The following CLIC5 variants were observed in gnomAD, a reference collection of about 807,000 sequenced individuals.
CLIC5 encodes CLIC family member 5.
In CLIC5, 20 loss-of-function variants were observed where a neutral mutation model predicts 24.7. That is an observed-to-expected ratio of 0.81 (90% confidence interval 0.57 to 1.18). The LOEUF (loss-of-function observed/expected upper bound fraction) is 1.18. Among genes scored for constraint, CLIC5 ranks in the 50% most tolerant of loss-of-function variants. The pLI, the probability that CLIC5 is intolerant of heterozygous loss-of-function variation, is 0.00. For missense variants in CLIC5, 341 were observed against 326.1 expected (o/e 1.05, Z -0.35); for synonymous variants, 159 against 135.6 (o/e 1.17, Z -1.20).
At chr6:46,001,081 G>C (rs1282845851) in intron 1 of CLIC5, among the ~76,000 whole-genome samples, 1 of 152,162 alleles carries the variant, frequency 6.6e-6, no homozygotes, top group Non-Finnish European at 1.5e-5. Flanking sequence ...AGCAATTCTT[G>C]GCATACAGAT....
At chr6:45,938,642 G>A (rs911003161) in intron 4 of CLIC5, among the ~76,000 whole-genome samples, 10 of 152,202 alleles carry the variant, frequency 6.6e-5, no homozygotes, top group African/African-American at 2.4e-4. Flanking sequence ...GAAAATTGGA[G>A]AGTACTGAGT....
chr6:45,985,618 C>T (rs745868365), intron 1 of CLIC5, among the ~76,000 whole-genome samples: 1 of 152,080 alleles, frequency 6.6e-6, no homozygotes, highest in Non-Finnish European at 1.5e-5. Flanking sequence ...CATCAAGGGG[C>T]TCCCTGCCCT....
intron 1 of CLIC5, among the ~76,000 whole-genome samples, chr6:45,973,140 A>G (rs1441450118): frequency 6.6e-6 from 1 of 152,182 alleles, no homozygotes; most frequent in African/African-American, 2.4e-5. Flanking sequence ...GTCACTGAGC[A>G]TGTTCATCTC....
intron 1 of CLIC5, among the ~76,000 whole-genome samples, chr6:46,015,270 C>T (rs879054512): frequency 6.6e-6 from 1 of 152,148 alleles, no homozygotes; most frequent in Non-Finnish European, 1.5e-5. Flanking sequence ...ATCAACTCTC[C>T]GAGAAGACGG....
the CLIC5 span, among the ~76,000 whole-genome samples, chr6:46,110,891 A>G: frequency 6.6e-6 from 1 of 152,238 alleles, no homozygotes; most frequent in Non-Finnish European, 1.5e-5. Flanking sequence ...TATGCAAATA[A>G]TGAAGCCAAA....
At chr6:45,887,220 C>G (rs991785549) in intron 6 of CLIC5, among the ~76,000 whole-genome samples, 1 of 152,152 alleles carries the variant, frequency 6.6e-6, no homozygotes, top group Admixed American at 6.5e-5. Context: ...TTGGGAAAAC[C>G]AATTTATTCC....
At chr6:46,062,050 A>C (rs1038908036) in intron 1 of CLIC5, among the ~76,000 whole-genome samples, 1 of 152,242 alleles carries the variant, frequency 6.6e-6, no homozygotes, top group African/African-American at 2.4e-5. Flanking sequence ...GCTGTAGAGC[A>C]CTTGAGATGT....
chr6:45,992,421 A>T (rs1019615470), intron 1 of CLIC5, among the ~76,000 whole-genome samples: 6 of 152,208 alleles, frequency 3.9e-5, no homozygotes, highest in African/African-American at 1.4e-4. Flanking sequence ...AGTTTATTTT[A>T]AAAAAATATT....
intron 6 of CLIC5, among the ~76,000 whole-genome samples, chr6:45,889,698 T>C (rs1469291577): frequency 7.2e-5 from 11 of 152,218 alleles, no homozygotes; most frequent in Non-Finnish European, 1.5e-4. Flanking sequence ...ATCTTTTGAG[T>C]CATGCAAATA....
chr6:45,902,919 G>T lies in CLIC5; in HGVS notation c.*169C>A. 2 of 692,916 alleles carry T rather than the reference G, an allele frequency of 2.9e-6. No homozygotes were observed. The highest frequency in any genetic ancestry group is 3.7e-5 in the South Asian group (2 of 54,582). The allele number at this position is 692,916 out of a possible 1,614,324, so 42.9% of individuals were successfully genotyped here. ...CCTATGTGAGGAGGCCAGGGATGGT[G>T]CTGACCTTCATGAAAGATAGCAGGC... On this transcript the variant is annotated 3_prime_UTR_variant, in exon 6 of 6. Coordinates refer to ENST00000339561, the MANE Select transcript of CLIC5 (RefSeq NM_016929.5).
chr6:46,004,433 C>T lies in CLIC5; in HGVS notation c.63+11047G>A, dbSNP rs549874109. Among the ~76,000 whole-genome samples, 8 of 152,294 alleles carry T rather than the reference C, an allele frequency of 5.3e-5. No homozygotes were observed. In the South Asian group the frequency reaches 1.7e-3, roughly 32 times the overall value. On this transcript the variant is annotated intron_variant, in intron 1 of 5. Coordinates refer to ENST00000339561, the MANE Select transcript of CLIC5 (RefSeq NM_016929.5). ...CATGCAAACCTACCATGATGTCCTC[C>T]AACTTCAATCTTCCCTGTGCTGGCT...
intron 1 of CLIC5, among the ~76,000 whole-genome samples, chr6:46,054,592 C>A (rs1186369756): frequency 6.6e-6 from 1 of 152,170 alleles, no homozygotes; most frequent in African/African-American, 2.4e-5. Flanking sequence ...ACAACAAATT[C>A]ATATGTTGAA....
chr6:45,914,820 A>G (rs1353371604), intron 4 of CLIC5, among the ~76,000 whole-genome samples: 1 of 146,244 alleles, frequency 6.8e-6, no homozygotes. Context: ...GCATGGTGGC[A>G]CGCGCCTGTA....
chr6:46,009,410 T>G (rs993127894), intron 1 of CLIC5, among the ~76,000 whole-genome samples: 3 of 152,112 alleles, frequency 2.0e-5, no homozygotes, highest in African/African-American at 7.2e-5. Flanking sequence ...TCCCTGACTG[T>G]GGGAGCTGAC....
intron 1 of CLIC5, among the ~76,000 whole-genome samples, chr6:46,072,811 G>A (rs551134025): frequency 6.6e-6 from 1 of 152,270 alleles, no homozygotes; most frequent in Non-Finnish European, 1.5e-5. Flanking sequence ...ACCCAGGCAG[G>A]GAAAGTGGAA....
the CLIC5 span, among the ~76,000 whole-genome samples, chr6:46,089,920 C>T: frequency 6.6e-6 from 1 of 152,100 alleles, no homozygotes; most frequent in Non-Finnish European, 1.5e-5. Flanking sequence ...GCAGTAATTG[C>T]CACCTTCAAA....
chr6:46,005,189 T>C (rs1766506040), intron 1 of CLIC5, among the ~76,000 whole-genome samples: 1 of 152,244 alleles, frequency 6.6e-6, no homozygotes, highest in African/African-American at 2.4e-5. Flanking sequence ...CTATTCTAGG[T>C]AATGGGTTCC....
chr6:45,991,770 G>A (rs1022810288), intron 1 of CLIC5, among the ~76,000 whole-genome samples: 26 of 152,150 alleles, frequency 1.7e-4, no homozygotes, highest in African/African-American at 6.3e-4. Context: ...GTATGTGTGA[G>A]CAGAGGGTTG....
chr6:45,981,087 C>T (rs1209768305), intron 1 of CLIC5, among the ~76,000 whole-genome samples: 4 of 152,088 alleles, frequency 2.6e-5, no homozygotes, highest in Admixed American at 6.5e-5. Flanking sequence ...CTTCCCACCT[C>T]AGCCTCCTGA....
Sources: allele counts gnomAD v4.1 joint callset (sites outside exome capture counted in the v4.1 genomes callset), GRCh38; gene constraint gnomAD v4.1.1; transcripts MANE v1.5; gene names NCBI Gene and HGNC (gene_info 2026-07-23, HGNC 2026-07-21).